The following ZNF471 variants were observed in gnomAD, a reference collection of about 807,000 sequenced individuals.
The protein encoded by ZNF471 is EZFIT-related protein 1.
ZNF471 carries 7 observed loss-of-function variants against 13.7 expected under a neutral mutation model. The observed-to-expected ratio is 0.51, with a 90% CI of 0.29 to 0.96. The LOEUF (loss-of-function observed/expected upper bound fraction) is 0.96. ZNF471 is among the 40% of genes least tolerant of loss of function. ZNF471 has a pLI of 0.08. For missense variants in ZNF471, 663 were observed against 743.3 expected (o/e 0.89, Z 1.26); for synonymous variants, 218 against 235.6 (o/e 0.93, Z 0.68).
chr19:56,518,193 A>G (rs2043920030), intron 3 of ZNF471, among the ~76,000 whole-genome samples: 1 of 152,168 alleles, frequency 6.6e-6, no homozygotes, highest in South Asian at 2.1e-4. Flanking sequence ...CAAAACTTCA[A>G]ACTGTTTCTA....
rs1600528521 is a variant in ZNF471, at chr19:56,529,153, C to G, written c.*3205C>G. 6 of 152,270 alleles carry G rather than the reference C, an allele frequency of 3.9e-5. No homozygotes were observed. Among genetic ancestry groups the G allele is most frequent in the Admixed American group, 3.9e-4 (6 of 15,296 alleles). The allele number at this position is 152,270 out of a possible 1,614,324, so 9.4% of individuals were successfully genotyped here. ...ATCCTGTAAGTTACTTTTACATTGA[C>G]AGTTCTGAAATTCATGTTGAGTGTT... On this transcript the variant is annotated 3_prime_UTR_variant, in exon 5 of 5. Transcript: ENST00000308031.
Position 56,525,037 on chromosome 19 carries a change from G to C in ZNF471, c.970G>C (p.Gly324Arg), listed in dbSNP as rs762191858. 7 of 1,613,960 alleles carry C rather than the reference G, an allele frequency of 4.3e-6. No homozygotes were observed. Among genetic ancestry groups the C allele is most frequent in the Non-Finnish European group, 5.9e-6 (7 of 1,179,926 alleles). Reference protein sequence around the residue: ...GEKPYECKECGKAFSDGSSFA... With the variant: ...GEKPYECKECRKAFSDGSSFA... ...GAAACCCTATGAATGTAAAGAATGT[G>C]GCAAAGCCTTCAGTGATGGCTCGTC... The change falls in exon 5 of 5, where the codon GGC becomes CGC. Residue 324 changes from glycine to arginine, a missense_variant. Transcript: ENST00000308031.
rs759983326 is a variant in ZNF471 at position 56,529,625 on chromosome 19, C to G, written c.*3677C>G. ...GTTGGAAAGCAGCAAGGATAAGGTG[C>G]ACAGTCTTGCAGAGCATGTCAACAA... is the stretch of plus-strand genomic sequence containing the variant. On this transcript the variant is annotated 3_prime_UTR_variant, in exon 5 of 5. Coordinates refer to ENST00000308031, the MANE Select transcript of ZNF471 (RefSeq NM_020813.4). 9.2e-5 allele frequency: 14 copies of G among 152,182 alleles called. No individual in the cohort carries two copies. Among genetic ancestry groups the G allele is most frequent in the Non-Finnish European group, 1.8e-4 (12 of 68,048 alleles). 9.4% of individuals were successfully genotyped at this position (152,182 alleles called of 1,614,324 possible).
intron 4 of ZNF471, among the ~76,000 whole-genome samples, chr19:56,519,467 C>G (rs1475172105): frequency 6.6e-6 from 1 of 152,170 alleles, no homozygotes; most frequent in Non-Finnish European, 1.5e-5. Context: ...CCATCCCAAC[C>G]CAATAACTGT....
rs1420946925 is a variant in ZNF471 at position 56,515,806 on chromosome 19, C to T, written c.34-469C>T. ...TTTTGTTCTGCAACTGTGGGTTCTA[C>T]CAACCGTGGGTGGAAAACACAGTAT... On this transcript the variant is annotated intron_variant, in intron 2 of 4. Transcript: ENST00000308031. Among the ~76,000 whole-genome samples, 3 of 152,086 alleles carry T rather than the reference C, an allele frequency of 2.0e-5. No individual in the cohort carries two copies. The South Asian group carries it at 6.2e-4, about 32-fold the overall frequency.
rs1354055439 is a variant in ZNF471, at chr19:56,508,242, T to G, written c.-56+322T>G. 2.0e-5 allele frequency: 18 copies of G among 890,742 alleles called. No homozygotes were observed. Among genetic ancestry groups the G allele is most frequent in the Non-Finnish European group, 2.3e-5 (17 of 752,828 alleles). The allele number at this position is 890,742 out of a possible 1,614,324, so 55.2% of individuals were successfully genotyped here. A position where few individuals can be genotyped will look rare whatever the true frequency, so the allele number is the denominator to read the frequency against. ...AGGGTGTGGTTTCTGTGTGTGTGTG[T>G]GTGTGTGTGTGACAGACCGAGAGTC... On this transcript the variant is annotated intron_variant, in intron 1 of 4. Transcript: ENST00000308031. The surrounding 1 kb of genome is among the most constrained non-coding windows in gnomAD (Gnocchi z 4.7).
rs1259230055 is a variant in ZNF471, at chr19:56,524,429, T to C, written c.362T>C (p.Phe121Ser). ...ITSYGLECST[F>S]EENWKWEDLF... ...AGCTATGGACTTGAGTGTTCCACTT[T>C]TGAAGAAAATTGGAAATGGGAAGAC... Residue 121 changes from phenylalanine (F) to serine (S), a missense_variant, in exon 5 of 5, where the codon TTT (phenylalanine) becomes TCT (serine). By Grantham distance (155) the Phe-to-Ser change is radical. Coordinates refer to ENST00000308031, the MANE Select transcript of ZNF471 (RefSeq NM_020813.4). This position sits in a 1 kb window ranked among gnomAD's most constrained non-coding sequence, Gnocchi z 4.8. The C allele has an allele frequency of 5.0e-6, 8 of 1,613,798 alleles. No homozygotes were observed. Among genetic ancestry groups the C allele is most frequent in the Non-Finnish European group, 6.8e-6 (8 of 1,179,952 alleles).
rs1462109009 is a variant in ZNF471 at position 56,517,956 on chromosome 19, G to A, written c.161-526G>A. On this transcript the variant is annotated intron_variant, in intron 3 of 4. Transcript: ENST00000308031. ...ATTTGCCTTTATATTCTTAAGTATT[G>A]ATATAATAATAGCTGTTTTTAAATC... Among the ~76,000 whole-genome samples the A allele has an allele frequency of 3.9e-5, 6 of 152,236 alleles. No homozygotes were observed. In the East Asian group the frequency reaches 9.7e-4, roughly 25 times the overall value.
At chr19:56,514,651 G>T (rs1417664554) in intron 2 of ZNF471, among the ~76,000 whole-genome samples, 1 of 152,092 alleles carries the variant, frequency 6.6e-6, no homozygotes, top group Non-Finnish European at 1.5e-5. Context: ...CAAATCAGGG[G>T]TGCACACTGT....
rs1381404457 is a variant in ZNF471, at chr19:56,529,805, T to C, written c.*3857T>C. On this transcript the variant is annotated 3_prime_UTR_variant, in exon 5 of 5. Transcript: ENST00000308031. ...GTGAAGTTTGGATAATATCCAGTAT[T>C]GTCGCAGGTGTGAGAAACCGTATTT... is the stretch of plus-strand genomic sequence containing the variant. The C allele has an allele frequency of 6.6e-6, 1 of 152,214 alleles. No individual in the cohort carries two copies. Among genetic ancestry groups the C allele is most frequent in the Non-Finnish European group, 1.5e-5 (1 of 68,036 alleles). 9.4% of individuals were successfully genotyped at this position (152,214 alleles called of 1,614,324 possible).
intron 2 of ZNF471, among the ~76,000 whole-genome samples, chr19:56,512,319 A>G (rs1433446071): frequency 6.6e-6 from 1 of 151,230 alleles, no homozygotes. Context: ...ATTTTTGTCT[A>G]CCTTTAGGTC....
chr19:56,511,006 T>C (rs77791430), intron 1 of ZNF471: 30,408 of 983,724 alleles, frequency 0.031, 572 homozygotes, highest in East Asian at 0.1. Context: ...GGGGGGTGGG[T>C]CAGGGATGCA....
rs1038959032 is a variant in ZNF471 at position 56,526,648 on chromosome 19, G to A, written c.*700G>A. On this transcript the variant is annotated 3_prime_UTR_variant, in exon 5 of 5. Coordinates refer to ENST00000308031, the MANE Select transcript of ZNF471 (RefSeq NM_020813.4). ...GCACAGCAGTCTGAAGTCAACCTGG[G>A]ATGATCAAGCTTGGTGGGGGGAGGG... The A allele has an allele frequency of 2.0e-5, 3 of 152,262 alleles. No homozygotes were observed. The highest frequency in any genetic ancestry group is 7.2e-5 in the African/African-American group (3 of 41,444). The allele number at this position is 152,262 out of a possible 1,614,324, so 9.4% of individuals were successfully genotyped here.
In ZNF471 at chr19:56,524,604, T is replaced by C. The variant is rs1568475890; in HGVS notation, c.537T>C (p.Asn179=). 2 of 1,591,572 alleles carry C rather than the reference T, an allele frequency of 1.3e-6. No individual in the cohort carries two copies. The highest frequency in any genetic ancestry group is 1.7e-6 in the Non-Finnish European group (2 of 1,174,146). ...HLENIEESIY[N]HTSDKKSFSK... ...AAAACATAGAAGAGAGTATTTATAA[T>C]CACACATCAGATAAAAAAAGCTTCT... The change falls in exon 5 of 5, where the codon AAT becomes AAC. Residue 179 remains asparagine (N), a synonymous_variant. Coordinates refer to ENST00000308031, the MANE Select transcript of ZNF471 (RefSeq NM_020813.4). The surrounding 1 kb of genome is among the most constrained non-coding windows in gnomAD (Gnocchi z 4.8).
At chr19:56,519,451 A>C (rs998232214) in intron 4 of ZNF471, among the ~76,000 whole-genome samples, 3 of 152,080 alleles carry the variant, frequency 2.0e-5, no homozygotes, top group Non-Finnish European at 4.4e-5. Flanking sequence ...TGTGATGAAC[A>C]TTTCCCCATC....
chr19:56,516,401 G>A lies in ZNF471; in HGVS notation c.160G>A (p.Gly54Ser). 6.2e-7 allele frequency: 1 copy of A among 1,611,402 alleles called. No individual in the cohort carries two copies. The highest frequency in any genetic ancestry group is 8.5e-7 in the Non-Finnish European group (1 of 1,178,866). Residue 54 changes from glycine to serine, a missense_variant and splice_region_variant, in exon 3 of 5, where the codon GGT (glycine) becomes AGT (serine). Gly to Ser is a moderately conservative substitution (Grantham distance 56). Coordinates refer to ENST00000308031, the MANE Select transcript of ZNF471 (RefSeq NM_020813.4). The surrounding 1 kb of genome is among the most constrained non-coding windows in gnomAD (Gnocchi z 4.4). ...LENYQSLVSL[G>S]LCISKPYVIS... ...GAACTATCAGAGCCTGGTATCACTT[G>A]GTGAGGATCTTTTCCCTCCTGCATA...
rs1600526994 is a variant in ZNF471 at position 56,527,598 on chromosome 19, C to T, written c.*1650C>T. On this transcript the variant is annotated 3_prime_UTR_variant, in exon 5 of 5. Coordinates refer to ENST00000308031, the MANE Select transcript of ZNF471 (RefSeq NM_020813.4). ...CCTTGAAAAAAGGTTAGAGGAATTG[C>T]TAACTAGAATAACCAGTTTAGAGAA... is the stretch of plus-strand genomic sequence containing the variant. The T allele has an allele frequency of 6.6e-6, 1 of 152,310 alleles. No homozygotes were observed. The highest frequency in any genetic ancestry group is 2.1e-4 in the South Asian group (1 of 4,828). The allele number at this position is 152,310 out of a possible 1,614,324, so 9.4% of individuals were successfully genotyped here. A position where few individuals can be genotyped will look rare whatever the true frequency, so the allele number is the denominator to read the frequency against.
chr19:56,515,886 G>GA lies in ZNF471; in HGVS notation c.34-380dup, dbSNP rs926765505. On this transcript the variant is annotated intron_variant, in intron 2 of 4. Transcript: ENST00000308031. ...TCTTAAACATGTTTTTATTATTTAA[G>GA]AAAAAAAAATCAGCTACATTAGTTC... Among the ~76,000 whole-genome samples, 34 of 151,326 alleles carry GA rather than the reference G, an allele frequency of 2.2e-4. 1 individual carries two copies. The highest frequency in any genetic ancestry group is 1.2e-3 in the Admixed American group (18 of 15,214).
chr19:56,513,833 G>C (rs964924706), intron 2 of ZNF471, among the ~76,000 whole-genome samples: 1 of 151,870 alleles, frequency 6.6e-6, no homozygotes, highest in African/African-American at 2.4e-5. Flanking sequence ...TCCTCCTCTT[G>C]AGAAGGTCTA....
Sources: allele counts gnomAD v4.1 joint callset (sites outside exome capture counted in the v4.1 genomes callset), GRCh38; gene constraint gnomAD v4.1.1; non-coding constraint Gnocchi (gnomAD v3.1); transcripts MANE v1.5; gene names NCBI Gene and HGNC (gene_info 2026-07-23, HGNC 2026-07-21).